The following BLM variants were observed in gnomAD, a reference collection of about 807,000 sequenced individuals.
The protein encoded by BLM is BLM RecQ like helicase, also known as recQ-like DNA helicase BLM.
In BLM, 95 loss-of-function variants were observed where a neutral mutation model predicts 135.3. The ratio of observed to expected loss-of-function variants is 0.70; its 90% CI spans 0.59 to 0.83. BLM has a LOEUF of 0.83. Among genes scored for constraint, BLM ranks in the 40% least tolerant of loss-of-function variants. The pLI, the probability that BLM is intolerant of heterozygous loss-of-function variation, is 0.00. For synonymous variants in BLM, 520 were observed against 589.2 expected (o/e 0.88, Z 1.70); for missense variants, 1,518 against 1,663.9 (o/e 0.91, Z 1.53).
chr15:90,787,042 T>C (rs1428328110), intron 14 of BLM, among the ~76,000 whole-genome samples: 1 of 104,820 alleles, frequency 9.5e-6, no homozygotes, highest in Non-Finnish European at 2.1e-5. Flanking sequence ...ATCTCTTTTT[T>C]TTTTTTTTTT....
intron 3 of BLM, 46 bp from the exon 4 acceptor site, chr15:90,751,741 T>C: frequency 6.5e-7 from 1 of 1,538,986 alleles, no homozygotes; most frequent in Admixed American, 1.7e-5. Context: ...TCTTTCTGTC[T>C]CATTAGTGGT....
At chr15:90,784,327 CTTTTTTT>C (rs769540432) in intron 13 of BLM, among the ~76,000 whole-genome samples, 3 of 70,022 alleles carry the variant, frequency 4.3e-5, no homozygotes, top group South Asian at 5.3e-4. Context: ...AATGGCTTTT[CTTTTTTT>C]TTTTTTTTTT....
At position 90,790,854 on chromosome 15, in the gene BLM, G is replaced by A; in HGVS notation, c.3019+10G>A. 6.2e-7 allele frequency: 1 copy of A among 1,610,082 alleles called. No homozygotes were observed. Among genetic ancestry groups the A allele is most frequent in the South Asian group, 1.1e-5 (1 of 91,002 alleles). On this transcript the variant is annotated intron_variant, in intron 15 of 21. Coordinates refer to ENST00000355112, the MANE Select transcript of BLM (RefSeq NM_000057.4). ...AAAAGACTTATAATGAGTAAGCTGG[G>A]CTCCATTGTAGAGACATTCTGTCAT...
rs766689783 is a variant in BLM at position 90,811,356 on chromosome 15, C to T, written c.4026C>T (p.Ser1342=). The T allele has an allele frequency of 6.2e-7, 1 of 1,614,112 alleles. No individual in the cohort carries two copies. The highest frequency in any genetic ancestry group is 1.7e-5 in the Admixed American group (1 of 60,016). ...NERKRKKMPA[S]QRSKRRKTAS... ...GGAAGAGGAAAAAGATGCCAGCCTC[C>T]CAAAGGTCTAAGAGGAGAAAAACTG... is the stretch of plus-strand genomic sequence containing the variant. The change falls in exon 21 of 22, where the codon TCC becomes TCT. Residue 1342 remains serine, a synonymous_variant. Transcript: ENST00000355112.
chr15:90,805,779 C>T (rs1210919456), intron 19 of BLM, among the ~76,000 whole-genome samples: 37 of 151,968 alleles, frequency 2.4e-4, no homozygotes, highest in Admixed American at 2.4e-3. Context: ...TATCCCCCTG[C>T]CTCAGCCTCC....
chr15:90,757,977 G>A (rs952512506), intron 5 of BLM, among the ~76,000 whole-genome samples: 1 of 151,362 alleles, frequency 6.6e-6, no homozygotes, highest in African/African-American at 2.4e-5. Flanking sequence ...TGCCTCCCAG[G>A]TTCAAGTGAT....
intron 16 of BLM, among the ~76,000 whole-genome samples, chr15:90,795,104 G>A (rs1034242081): frequency 6.6e-6 from 1 of 152,338 alleles, no homozygotes; most frequent in South Asian, 2.1e-4. Flanking sequence ...ATATGTGCAA[G>A]ATGCTGGAGA....
At chr15:90,719,278 C>T (rs1355325526) in intron 1 of BLM, among the ~76,000 whole-genome samples, 2 of 152,140 alleles carry the variant, frequency 1.3e-5, no homozygotes, top group East Asian at 1.9e-4. Flanking sequence ...GGCGAGCCAC[C>T]GCGCCCGGCC....
chr15:90,796,755 T>C (rs918567840), intron 16 of BLM, among the ~76,000 whole-genome samples: 1 of 152,134 alleles, frequency 6.6e-6, no homozygotes, highest in Non-Finnish European at 1.5e-5. Context: ...AGATGGAGAA[T>C]TGGATCCATT....
At chr15:90,769,096 TC>T (rs1369037343) in intron 10 of BLM, 36 bp from the exon 11 acceptor site, 1 of 1,447,436 alleles carries the variant, frequency 6.9e-7, no homozygotes, top group Non-Finnish European at 9.7e-7. Flanking sequence ...GTGATGTGTT[TC>T]AGTGTTTTTA....
intron 19 of BLM, among the ~76,000 whole-genome samples, chr15:90,805,074 G>A (rs1238135593): frequency 6.6e-6 from 1 of 151,934 alleles, no homozygotes; most frequent in Non-Finnish European, 1.5e-5. Context: ...AACCTCAGGT[G>A]ATCCACCCAC....
chr15:90,731,066 A>G (rs371186398), intron 1 of BLM, among the ~76,000 whole-genome samples: 1 of 152,000 alleles, frequency 6.6e-6, no homozygotes, highest in African/African-American at 2.4e-5. Context: ...CAGCTTCCCA[A>G]GTAGCTGGGA....
chr15:90,758,315 C>T (rs1895873967), intron 5 of BLM, among the ~76,000 whole-genome samples: 2 of 151,988 alleles, frequency 1.3e-5, no homozygotes, highest in South Asian at 4.1e-4. Context: ...GTGGCAAATC[C>T]CCATCTCTAA....
At chr15:90,788,471 G>GTTTTGT (rs1896809359) in intron 14 of BLM, among the ~76,000 whole-genome samples, 2 of 94,990 alleles carry the variant, frequency 2.1e-5, no homozygotes, top group South Asian at 4.3e-4. Flanking sequence ...CCAGTGTTTT[G>GTTTTGT]TTTTTTTTTT....
chr15:90,739,412 A>G (rs1895305885), intron 1 of BLM, among the ~76,000 whole-genome samples: 1 of 151,936 alleles, frequency 6.6e-6, no homozygotes, highest in Non-Finnish European at 1.5e-5. Context: ...AAAAATATTA[A>G]TAATAATAAA....
At chr15:90,731,418 A>G (rs1895066794) in intron 1 of BLM, among the ~76,000 whole-genome samples, 1 of 152,054 alleles carries the variant, frequency 6.6e-6, no homozygotes, top group Non-Finnish European at 1.5e-5. Flanking sequence ...GGTTCTTTCT[A>G]TATTTTGGAA....
chr15:90,814,197 A>T (rs1356494586), intron 21 of BLM, among the ~76,000 whole-genome samples: 1 of 152,094 alleles, frequency 6.6e-6, no homozygotes, highest in East Asian at 1.9e-4. Context: ...CTATACCCTC[A>T]ATTCAGACGG....
intron 1 of BLM, 27 bp from the exon 2 acceptor site, chr15:90,747,362 C>G (rs2151144941): frequency 6.5e-7 from 1 of 1,545,526 alleles, no homozygotes; most frequent in South Asian, 1.1e-5. Context: ...CCTAACTCCA[C>G]TGATTTCTTT....
At chr15:90,782,992 A>G (rs533138287) in intron 13 of BLM, 64 bp downstream of exon 13, 11 of 1,279,738 alleles carry the variant, frequency 8.6e-6, no homozygotes, top group Non-Finnish European at 1.1e-5. Flanking sequence ...CCACAATAAG[A>G]TATATAAAAT....
Sources: allele counts gnomAD v4.1 joint callset (sites outside exome capture counted in the v4.1 genomes callset), GRCh38; gene constraint gnomAD v4.1.1; transcripts MANE v1.5; gene names NCBI Gene and HGNC (gene_info 2026-07-23, HGNC 2026-07-21).